RTL4: variants seen among roughly 807,000 people sequenced by gnomAD.
RTL4 encodes retrotransposon Gag like 4, also known as retrotransposon Gag-like protein 4.
A neutral mutation model predicts 5.3 loss-of-function variants in RTL4; 4 were observed. The observed-to-expected ratio is 0.75, with a 90% confidence interval of 0.37 to 1.72. The LOEUF is 1.72. RTL4 is among the 40% of genes most tolerant of loss of function. RTL4 has a pLI of 0.04. For synonymous variants in RTL4, 98 were observed against 87.3 expected, an observed-to-expected ratio of 1.12 and a Z score of -0.68; for missense variants, 260 against 227.1, an observed-to-expected ratio of 1.14 and a Z score of -0.93.
At chrX:112,116,438 T>C in the RTL4 span, among the ~76,000 whole-genome samples, 1 of 110,857 alleles carries the variant, frequency 9.0e-6, no homozygotes, top group Non-Finnish European at 1.9e-5. Context: ...TTCCACAGCG[T>C]GGAAGGGGAC....
chrX:112,134,793 G>T, the RTL4 span, among the ~76,000 whole-genome samples: 2 of 111,781 alleles, frequency 1.8e-5, no homozygotes, highest in African/African-American at 6.5e-5. Flanking sequence ...TTTTATGTAA[G>T]TGGAATCTTA....
At chrX:112,422,581 T>G in the RTL4 span, among the ~76,000 whole-genome samples, 1 of 111,167 alleles carries the variant, frequency 9.0e-6, no homozygotes, top group Admixed American at 9.7e-5. Flanking sequence ...ATTTTTTTTC[T>G]AAGTAAAAGA....
chrX:112,239,552 A>T, the RTL4 span, among the ~76,000 whole-genome samples: 1 of 111,245 alleles, frequency 9.0e-6, no homozygotes, highest in Non-Finnish European at 1.9e-5. Context: ...AAGTTAGAAC[A>T]TGGGTGTGTA....
At chrX:112,239,678 A>G in the RTL4 span, among the ~76,000 whole-genome samples, 111 of 111,684 alleles carry the variant, frequency 9.9e-4, no homozygotes, top group Non-Finnish European at 1.7e-3. Context: ...ATTCACAAGG[A>G]AGGTGTCAGT....
chrX:112,238,966 G>A, the RTL4 span, among the ~76,000 whole-genome samples: 1 of 111,726 alleles, frequency 9.0e-6, no homozygotes, highest in African/African-American at 3.3e-5. Flanking sequence ...CTCCCATTTC[G>A]CAGAAGCAGA....
the RTL4 span, among the ~76,000 whole-genome samples, chrX:112,160,773 G>A: frequency 9.0e-6 from 1 of 111,179 alleles, no homozygotes; most frequent in African/African-American, 3.3e-5. Context: ...CAGGAACTGA[G>A]GGAGTGTGTA....
chrX:112,251,851 C>T, the RTL4 span, among the ~76,000 whole-genome samples: 6 of 111,927 alleles, frequency 5.4e-5, no homozygotes, highest in Non-Finnish European at 1.1e-4. Context: ...TCTTTAATAT[C>T]CCAATGCCTA....
chrX:112,174,247 A>G, the RTL4 span, among the ~76,000 whole-genome samples: 1 of 61,229 alleles, frequency 1.6e-5, no homozygotes, highest in Non-Finnish European at 2.8e-5. Context: ...CCACCCCACA[A>G]CAGTCCCCAG....
the RTL4 span, among the ~76,000 whole-genome samples, chrX:112,151,680 C>A: frequency 1.8e-5 from 2 of 112,144 alleles, no homozygotes; most frequent in South Asian, 7.5e-4. Flanking sequence ...ATACGTTCCC[C>A]TGGAAGTAAG....
At chrX:112,289,854 A>G in the RTL4 span, among the ~76,000 whole-genome samples, 1 of 111,080 alleles carries the variant, frequency 9.0e-6, no homozygotes, top group Admixed American at 9.7e-5. Context: ...CTTTGAGGTA[A>G]GTGAGGTAGG....
chrX:112,451,373 C>G (rs1184180279), upstream of RTL4, among the ~76,000 whole-genome samples: 2 of 110,750 alleles, frequency 1.8e-5, no homozygotes, highest in Non-Finnish European at 3.8e-5. Flanking sequence ...GTGGTATGTG[C>G]CTGTAGTCCT....
the RTL4 span, among the ~76,000 whole-genome samples, chrX:112,100,199 A>C: frequency 2.7e-5 from 3 of 112,147 alleles, no homozygotes; most frequent in Non-Finnish European, 3.8e-5. Context: ...ACTGGAGTTT[A>C]GCAATGAAGG....
chrX:112,242,381 T>G, the RTL4 span, among the ~76,000 whole-genome samples: 1 of 111,400 alleles, frequency 9.0e-6, no homozygotes, highest in African/African-American at 3.3e-5. Flanking sequence ...TTGAGCAGTG[T>G]TTTGTAGTTC....
chrX:112,281,597 A>G, the RTL4 span, among the ~76,000 whole-genome samples: 2 of 111,260 alleles, frequency 1.8e-5, no homozygotes, highest in African/African-American at 6.5e-5. Context: ...ACTAATTTAC[A>G]TTCCCACCAA....
At chrX:112,229,070 A>C in the RTL4 span, among the ~76,000 whole-genome samples, 1 of 111,994 alleles carries the variant, frequency 8.9e-6, no homozygotes, top group Non-Finnish European at 1.9e-5. Context: ...TTAAGGACTC[A>C]AGATCATTAA....
At chrX:112,328,550 T>A in the RTL4 span, among the ~76,000 whole-genome samples, 4 of 111,076 alleles carry the variant, frequency 3.6e-5, no homozygotes, top group Admixed American at 2.9e-4. Context: ...CTCCCACACA[T>A]TAATAATGGG....
chrX:112,374,591 T>C, the RTL4 span, among the ~76,000 whole-genome samples: 1 of 112,298 alleles, frequency 8.9e-6, no homozygotes. Context: ...GACATTTTCA[T>C]AGTATCAAGC....
chrX:112,362,566 G>A, the RTL4 span, among the ~76,000 whole-genome samples: 2 of 110,678 alleles, frequency 1.8e-5, no homozygotes, highest in African/African-American at 3.3e-5. Flanking sequence ...TAAGCTTATG[G>A]TGTTTGAGAA....
the RTL4 span, among the ~76,000 whole-genome samples, chrX:112,139,380 T>A: frequency 9.0e-6 from 1 of 111,655 alleles, no homozygotes; most frequent in African/African-American, 3.3e-5. Flanking sequence ...TCCCTCCATC[T>A]CCAGAAGGTA....
Sources: gnomAD v4.1 joint callset for allele counts (sites outside exome capture counted in the v4.1 genomes callset) on GRCh38, gnomAD v4.1.1 for gene constraint, MANE v1.5 for transcripts, NCBI Gene and HGNC (gene_info 2026-07-23, HGNC 2026-07-21) for gene names.